KCNK12: variants seen among roughly 807,000 people sequenced by gnomAD.
KCNK12 encodes potassium channel subfamily K member 12.
Under a neutral mutation model 25.3 loss-of-function variants are expected in KCNK12, and 6 were observed. The observed-to-expected ratio is 0.24, with a 90% CI of 0.13 to 0.47. The LOEUF is 0.47. KCNK12 is among the 20% of genes least tolerant of loss of function. The probability of loss-of-function intolerance (pLI) is 0.99; values close to 1 mark genes in which losing one functional copy is unlikely to be tolerated. For missense variants in KCNK12, 444 were observed against 661.7 expected (o/e 0.67, Z 3.61); for synonymous variants, 331 against 311.1 (o/e 1.06, Z -0.67).
At position 47,547,607 on chromosome 2, in the gene KCNK12, T is replaced by C. The variant is rs1286346142; in HGVS notation, c.391+22334A>G. On this transcript the variant is annotated intron_variant, in intron 1 of 1. Coordinates refer to ENST00000327876, the MANE Select transcript of KCNK12 (RefSeq NM_022055.2). This position sits in a 1 kb window ranked among gnomAD's most constrained non-coding sequence, Gnocchi z 5.0. ...TGGCAGGGCTTTATTTATTTATTTA[T>C]TTACTTTTGAGATGGAGTCTCATTC... is the stretch of plus-strand genomic sequence containing the variant. Among the ~76,000 whole-genome samples, 2 of 149,158 alleles carry C rather than the reference T, an allele frequency of 1.3e-5. No homozygotes were observed. The highest frequency in any genetic ancestry group is 3.0e-5 in the Non-Finnish European group (2 of 66,184).
At chr2:47,541,086 C>G (rs1256792587) in intron 1 of KCNK12, among the ~76,000 whole-genome samples, 8 of 152,146 alleles carry the variant, frequency 5.3e-5, no homozygotes, top group Non-Finnish European at 7.4e-5. Context: ...TTGAGTGTTC[C>G]AATGGGAAGT....
At chr2:47,530,583 C>T (rs1417471552) in intron 1 of KCNK12, among the ~76,000 whole-genome samples, 1 of 152,190 alleles carries the variant, frequency 6.6e-6, no homozygotes, top group Non-Finnish European at 1.5e-5. Flanking sequence ...CCAAGTGCTG[C>T]ACGCGTATCA....
intron 1 of KCNK12, among the ~76,000 whole-genome samples, chr2:47,526,463 G>C (rs976961740): frequency 6.6e-6 from 1 of 151,006 alleles, no homozygotes; most frequent in Non-Finnish European, 1.5e-5. Context: ...TGAGCCTGGT[G>C]GCTCACGCCT....
At chr2:47,541,840 G>T (rs1038557314) in intron 1 of KCNK12, among the ~76,000 whole-genome samples, 4 of 152,204 alleles carry the variant, frequency 2.6e-5, no homozygotes, top group Non-Finnish European at 4.4e-5. Context: ...CTCCAGAATT[G>T]TGAGAAAATA....
chr2:47,526,336 G>A (rs577640068), intron 1 of KCNK12, among the ~76,000 whole-genome samples: 12 of 151,408 alleles, frequency 7.9e-5, no homozygotes, highest in African/African-American at 2.9e-4. Flanking sequence ...AACCCAGGAG[G>A]CGGAGCTTGC....
Position 47,565,671 on chromosome 2 carries a change from G to A in KCNK12, c.391+4270C>T, listed in dbSNP as rs1669774803. The A allele has an allele frequency of 6.6e-6, 1 of 152,232 alleles. No individual in the cohort carries two copies. Among genetic ancestry groups the A allele is most frequent in the South Asian group, 2.1e-4 (1 of 4,828 alleles). 9.4% of individuals were successfully genotyped at this position (152,232 alleles called of 1,614,324 possible). A position where few individuals can be genotyped will look rare whatever the true frequency, so the allele number is the denominator to read the frequency against. ...CAGCAGATGCATAATTAAAACCCCA[G>A]TGGAGAGTTTCCATTTAATCTTTTC... On this transcript the variant is annotated intron_variant, in intron 1 of 1. Transcript: ENST00000327876. This position sits in a 1 kb window ranked among gnomAD's most constrained non-coding sequence, Gnocchi z 5.0.
intron 1 of KCNK12, among the ~76,000 whole-genome samples, chr2:47,536,095 T>A (rs1416735571): frequency 6.6e-6 from 1 of 152,148 alleles, no homozygotes; most frequent in Non-Finnish European, 1.5e-5. Flanking sequence ...TTTGGCTCAT[T>A]CTGTGCACTG....
intron 1 of KCNK12, among the ~76,000 whole-genome samples, chr2:47,550,952 T>C (rs1190979228): frequency 6.6e-6 from 1 of 152,092 alleles, no homozygotes; most frequent in Non-Finnish European, 1.5e-5. Flanking sequence ...CAATGAGTGG[T>C]CTTAGAAATC....
At chr2:47,545,464 C>T (rs906489354) in intron 1 of KCNK12, among the ~76,000 whole-genome samples, 3 of 152,202 alleles carry the variant, frequency 2.0e-5, no homozygotes, top group Non-Finnish European at 4.4e-5. Flanking sequence ...CTTTGGGAAG[C>T]CTGGATACAG....
chr2:47,568,850 G>A (rs149700233), intron 1 of KCNK12, among the ~76,000 whole-genome samples: 1 of 152,178 alleles, frequency 6.6e-6, no homozygotes, highest in South Asian at 2.1e-4. Flanking sequence ...AAGCAGGAGT[G>A]GGGGGACACA....
At chr2:47,544,660 A>C (rs903906960) in intron 1 of KCNK12, among the ~76,000 whole-genome samples, 1 of 152,218 alleles carries the variant, frequency 6.6e-6, no homozygotes, top group Non-Finnish European at 1.5e-5. Flanking sequence ...CTTACATACC[A>C]CATGGTGTAA....
Position 47,533,971 on chromosome 2 carries a change from T to C in KCNK12, c.392-12163A>G, listed in dbSNP as rs1573635365. On this transcript the variant is annotated intron_variant, in intron 1 of 1. Coordinates refer to ENST00000327876, the MANE Select transcript of KCNK12 (RefSeq NM_022055.2). The surrounding 1 kb of genome is among the most constrained non-coding windows in gnomAD (Gnocchi z 4.7). ...CACAGAGAAAATGGCCCTCTGCCCCTGTTCTGCTTGTTTTTGTCTTGTTCT... is the reference window on the plus strand; with the variant it reads ...CACAGAGAAAATGGCCCTCTGCCCCCGTTCTGCTTGTTTTTGTCTTGTTCT... Among the ~76,000 whole-genome samples, 1 of 152,042 alleles carries C rather than the reference T, an allele frequency of 6.6e-6. No individual in the cohort carries two copies. Among genetic ancestry groups the C allele is most frequent in the South Asian group, 2.1e-4 (1 of 4,792 alleles).
intron 1 of KCNK12, chr2:47,535,225 T>C: frequency 4.3e-6 from 1 of 233,048 alleles, no homozygotes; most frequent in Non-Finnish European, 8.5e-6. Flanking sequence ...ACCTTTCAGC[T>C]GCAGCCAGGG....
At position 47,570,097 on chromosome 2, in the gene KCNK12, A is replaced by G; in HGVS notation, c.235T>C (p.Phe79Leu). 7.1e-7 allele frequency: 1 copy of G among 1,402,272 alleles called. No individual in the cohort carries two copies. The highest frequency in any genetic ancestry group is 9.3e-7 in the Non-Finnish European group (1 of 1,078,670). 86.9% of individuals were successfully genotyped at this position (1,402,272 alleles called of 1,614,324 possible). A position where few individuals can be genotyped will look rare whatever the true frequency, so the allele number is the denominator to read the frequency against. The change falls in exon 1 of 2, where the codon TTC becomes CTC. Residue 79 changes from phenylalanine to leucine, a missense_variant. Around this residue, in one of 8 missense-constraint regions of KCNK12, gnomAD observed 106 missense variants for 142.2 expected, o/e 0.75. Coordinates refer to ENST00000327876, the MANE Select transcript of KCNK12 (RefSeq NM_022055.2). ...RARWGATLRN[F>L]SAAHGVAEPE... is the part of the protein sequence containing the mutation. Reference sequence around the variant, plus strand: ...TCGGCCACGCCGTGCGCAGCGCTGAAGTTGCGCAGCGTGGCGCCCCAGCGC... The same window carrying G: ...TCGGCCACGCCGTGCGCAGCGCTGAGGTTGCGCAGCGTGGCGCCCCAGCGC...
At chr2:47,532,605 G>A (rs964059370) in intron 1 of KCNK12, among the ~76,000 whole-genome samples, 1 of 152,120 alleles carries the variant, frequency 6.6e-6, no homozygotes, top group Non-Finnish European at 1.5e-5. Flanking sequence ...TTTGTTTAAC[G>A]TGCCAAGAAC....
rs1350796854 is a variant in KCNK12 at position 47,569,510 on chromosome 2, C to T, written c.391+431G>A. On this transcript the variant is annotated intron_variant, in intron 1 of 1. Coordinates refer to ENST00000327876, the MANE Select transcript of KCNK12 (RefSeq NM_022055.2). The surrounding 1 kb of genome is among the most constrained non-coding windows in gnomAD (Gnocchi z 4.1). ...GAGAAAACAGGGTAAAAGAAGAAAG[C>T]GGGGGAGACTATGAAAAGAAATAAA... Among the ~76,000 whole-genome samples, 2 of 150,114 alleles carry T rather than the reference C, an allele frequency of 1.3e-5. No individual in the cohort carries two copies. Among genetic ancestry groups the T allele is most frequent in the Non-Finnish European group, 3.0e-5 (2 of 67,668 alleles).
Position 47,560,339 on chromosome 2 carries a change from C to A in KCNK12, c.391+9602G>T, listed in dbSNP as rs1034200651. Among the ~76,000 whole-genome samples, 2 of 152,170 alleles carry A rather than the reference C, an allele frequency of 1.3e-5. No individual in the cohort carries two copies. Among genetic ancestry groups the A allele is most frequent in the African/African-American group, 2.4e-5 (1 of 41,430 alleles). On this transcript the variant is annotated intron_variant, in intron 1 of 1. Transcript: ENST00000327876. This position sits in a 1 kb window ranked among gnomAD's most constrained non-coding sequence, Gnocchi z 4.7. ...TCCTTCACAGAGAGGTACTAGGTGG[C>A]GAAGGATGGGAAGCAGGCAGCCCTC...
At position 47,562,370 on chromosome 2, in the gene KCNK12, G is replaced by T. The variant is rs1312417114; in HGVS notation, c.391+7571C>A. 8.4e-6 allele frequency: 3 copies of T among 356,366 alleles called. No individual in the cohort carries two copies. The highest frequency in any genetic ancestry group is 1.5e-5 in the Non-Finnish European group (3 of 199,610). The allele number at this position is 356,366 out of a possible 1,614,324, so 22.1% of individuals were successfully genotyped here. On this transcript the variant is annotated intron_variant, in intron 1 of 1. Transcript: ENST00000327876. This position sits in a 1 kb window ranked among gnomAD's most constrained non-coding sequence, Gnocchi z 4.8. ...GGTCACCTTGGAATGAGATCCTCTGGGATCTGGAGGAAGCAGATGGAGGAG... is the reference window on the plus strand; with the variant it reads ...GGTCACCTTGGAATGAGATCCTCTGTGATCTGGAGGAAGCAGATGGAGGAG...
rs1181875640 is a variant in KCNK12, at chr2:47,519,388, G to T, written c.*1519C>A. The T allele has an allele frequency of 6.6e-5, 10 of 152,246 alleles. No individual in the cohort carries two copies. Among genetic ancestry groups the T allele is most frequent in the Admixed American group, 6.5e-4 (10 of 15,290 alleles). The allele number at this position is 152,246 out of a possible 1,614,324, so 9.4% of individuals were successfully genotyped here. ...GGCTCCAGCTGGAGGCGGTGAGGCG[G>T]TGCTTTTCTAAGACTTCCTATCAGA... On this transcript the variant is annotated 3_prime_UTR_variant, in exon 2 of 2. Coordinates refer to ENST00000327876, the MANE Select transcript of KCNK12 (RefSeq NM_022055.2).
Sources: allele counts gnomAD v4.1 joint callset (sites outside exome capture counted in the v4.1 genomes callset), GRCh38; gene constraint gnomAD v4.1.1; regional missense constraint gnomAD v4.1.1; non-coding constraint Gnocchi (gnomAD v3.1); transcripts MANE v1.5; gene names NCBI Gene and HGNC (gene_info 2026-07-23, HGNC 2026-07-21).